The following C9 variants were observed in gnomAD, a reference collection of about 807,000 sequenced individuals.
C9 encodes the protein complement C9, also known as complement component C9.
C9 carries 63 observed loss-of-function variants against 65.4 expected under a neutral mutation model. That is an observed-to-expected ratio of 0.96 (90% CI 0.79 to 1.19). C9 has a LOEUF of 1.19. Among genes scored for constraint, C9 ranks in the 50% most tolerant of loss-of-function variants. The pLI is 0.00. For synonymous variants in C9, 229 were observed against 227.9 expected (o/e 1.00, Z -0.04); for missense variants, 744 against 670.1 (o/e 1.11, Z -1.22).
chr5:39,331,218 T>C (rs928892258), intron 5 of C9, among the ~76,000 whole-genome samples: 1 of 152,160 alleles, frequency 6.6e-6, no homozygotes, highest in African/African-American at 2.4e-5. Flanking sequence ...TAAATCATTT[T>C]CAAGAGGTAG....
At chr5:39,329,971 G>A (rs1435625745) in intron 5 of C9, among the ~76,000 whole-genome samples, 1 of 152,134 alleles carries the variant, frequency 6.6e-6, no homozygotes, top group Non-Finnish European at 1.5e-5. Flanking sequence ...TGAATAAGGG[G>A]ATTATCAGCA....
rs1185839904 is a variant in C9 at position 39,331,815 on chromosome 5, C to T, written c.477-1G>A. 6.2e-7 allele frequency: 1 copy of T among 1,613,060 alleles called. No individual in the cohort carries two copies. The highest frequency in any genetic ancestry group is 1.3e-5 in the African/African-American group (1 of 74,880). On this transcript the variant is annotated splice_acceptor_variant, in intron 4 of 10. Transcript: ENST00000263408. LOFTEE classifies it high-confidence loss of function. ...GGGATCCATCCCTAAAATGTTGATC[C>T]TGAGAATGAACAGAGTAGTATCAGA...
intron 10 of C9, among the ~76,000 whole-genome samples, chr5:39,287,304 G>A (rs550442428): frequency 2.0e-5 from 3 of 151,868 alleles, no homozygotes; most frequent in African/African-American, 7.2e-5. Context: ...TTTTCCTCTA[G>A]GATTTTTATA....
At chr5:39,359,098 GTGTGTA>G (rs1211176121) in intron 1 of C9, among the ~76,000 whole-genome samples, 49 of 96,536 alleles carry the variant, frequency 5.1e-4, no homozygotes, top group African/African-American at 1.4e-3. Flanking sequence ...ATGTGTGTGT[GTGTGTA>G]TATATATATA....
chr5:39,328,171 T>C (rs1024279221), intron 5 of C9, among the ~76,000 whole-genome samples: 1 of 152,132 alleles, frequency 6.6e-6, no homozygotes, highest in Non-Finnish European at 1.5e-5. Flanking sequence ...ACTGAGAGAA[T>C]AGGATGTAAA....
In C9 at chr5:39,288,778, G is replaced by A. The variant is rs1010959571; in HGVS notation, c.1590C>T (p.Cys530=). The A allele has an allele frequency of 1.2e-6, 2 of 1,612,232 alleles. No homozygotes were observed. The highest frequency in any genetic ancestry group is 1.7e-6 in the Non-Finnish European group (2 of 1,178,802). ...ILMDGKCLCA[C]PFKFEGIACE... ...AGGCAATTCCCTCAAATTTGAATGG[G>A]CAGGCACACAAACACTTTCCATCCA... The change falls in exon 10 of 11, where the codon TGC becomes TGT. Residue 530 remains cysteine, a synonymous_variant. Coordinates refer to ENST00000263408, the MANE Select transcript of C9 (RefSeq NM_001737.5).
intron 1 of C9, among the ~76,000 whole-genome samples, chr5:39,362,940 C>T (rs1270141152): frequency 6.6e-6 from 1 of 152,062 alleles, no homozygotes; most frequent in East Asian, 1.9e-4. Flanking sequence ...GAGCTGGGGT[C>T]CAGCTAATGG....
chr5:39,348,781 T>A (rs1240637678), intron 1 of C9, among the ~76,000 whole-genome samples: 1 of 152,132 alleles, frequency 6.6e-6, no homozygotes, highest in Non-Finnish European at 1.5e-5. Context: ...CAAATGTCCA[T>A]CAATGATAGA....
At position 39,306,639 on chromosome 5, in the gene C9, G is replaced by A. The variant is rs984436339; in HGVS notation, c.1394C>T (p.Ala465Val). Residue 465 changes from alanine (A) to valine (V), a missense_variant, in exon 9 of 11, where the codon GCT becomes GTT. Transcript: ENST00000263408. ...TACTTTTTGACTAATGAGAACAGGA[G>A]CATCATTTATGGAAGAGGCCCAGTT... ...FVNWASSIND[A>V]PVLISQKLSP... 10 of 1,613,142 alleles carry A rather than the reference G, an allele frequency of 6.2e-6. No individual in the cohort carries two copies. The highest frequency in any genetic ancestry group is 2.7e-5 in the African/African-American group (2 of 74,872).
rs141738519 is a variant in C9 at position 39,351,721 on chromosome 5, C to T, written c.78-9525G>A. On this transcript the variant is annotated intron_variant, in intron 1 of 10. Coordinates refer to ENST00000263408, the MANE Select transcript of C9 (RefSeq NM_001737.5). The stretch of plus-strand genomic sequence containing the variant: ...TCCTCATCTCCATCTGAGACCATCT[C>T]AGCCTGGATTTCATTGTCCATATCA... Among the ~76,000 whole-genome samples, 272 of 152,278 alleles carry T rather than the reference C, an allele frequency of 1.8e-3. 14 individuals are homozygous for T. The East Asian group carries it at 0.047, about 26-fold the overall frequency.
chr5:39,334,811 G>T (rs957542092), intron 4 of C9, among the ~76,000 whole-genome samples: 1 of 152,206 alleles, frequency 6.6e-6, no homozygotes, highest in Non-Finnish European at 1.5e-5. Flanking sequence ...CCCCATCTGG[G>T]AGGTGTGCCC....
chr5:39,306,062 C>A (rs1579846223), intron 9 of C9, among the ~76,000 whole-genome samples: 1 of 150,070 alleles, frequency 6.7e-6, no homozygotes, highest in East Asian at 2.0e-4. Flanking sequence ...ACTGAGGAGG[C>A]TGAGGCATGA....
In C9 at chr5:39,308,220, C is replaced by A; in HGVS notation, c.1240+10G>T. The A allele has an allele frequency of 6.2e-7, 1 of 1,612,370 alleles. No homozygotes were observed. Among genetic ancestry groups the A allele is most frequent in the South Asian group, 1.1e-5 (1 of 91,054 alleles). On this transcript the variant is annotated intron_variant, in intron 8 of 10. Transcript: ENST00000263408. ...GCTTTATAAAATCTAACAAGTGAGG[C>A]CACACTTACCAGCTCTACCCTCTCC...
At chr5:39,325,239 T>C (rs1287459758) in intron 5 of C9, among the ~76,000 whole-genome samples, 2 of 152,168 alleles carry the variant, frequency 1.3e-5, no homozygotes, top group African/African-American at 4.8e-5. Context: ...CATTGTAACC[T>C]TTTGAGGCAC....
In C9 at chr5:39,288,012, T is replaced by C. The variant is rs145985477; in HGVS notation, c.1645+711A>G. On this transcript the variant is annotated intron_variant, in intron 10 of 10. Transcript: ENST00000263408. ...TTTAATGTAAAATAATGTTTCCTTA[T>C]GATTAACTTAAAAATACAATACAGA... Among the ~76,000 whole-genome samples, 572 of 152,062 alleles carry C rather than the reference T, an allele frequency of 3.8e-3. 5 individuals carry two copies. Among genetic ancestry groups the C allele is most frequent in the African/African-American group, 0.01 (424 of 41,536 alleles).
chr5:39,328,242 C>T (rs983725979), intron 5 of C9, among the ~76,000 whole-genome samples: 8 of 152,176 alleles, frequency 5.3e-5, no homozygotes, highest in African/African-American at 1.9e-4. Flanking sequence ...TGTGAAAGCT[C>T]CTGCCTATGA....
intron 5 of C9, among the ~76,000 whole-genome samples, chr5:39,323,738 CTT>C (rs1246495403): frequency 6.6e-6 from 1 of 151,884 alleles, no homozygotes; most frequent in East Asian, 1.9e-4. Flanking sequence ...AAAACTGAAA[CTT>C]TTTATCAGAC....
intron 10 of C9, 83 bp downstream of exon 10, chr5:39,288,640 T>A (rs139892306): frequency 3.9e-6 from 3 of 766,476 alleles, no homozygotes; most frequent in Admixed American, 3.7e-5. Flanking sequence ...TTAGTACAAA[T>A]TAATTCAAGA....
intron 1 of C9, among the ~76,000 whole-genome samples, chr5:39,349,151 C>T (rs927596722): frequency 2.0e-5 from 3 of 151,392 alleles, no homozygotes; most frequent in African/African-American, 7.3e-5. Flanking sequence ...TGCACATATG[C>T]CCTAGAACTT....
Sources: gnomAD v4.1 joint callset for allele counts (sites outside exome capture counted in the v4.1 genomes callset) on GRCh38, gnomAD v4.1.1 for gene constraint, MANE v1.5 for transcripts, NCBI Gene and HGNC (gene_info 2026-07-23, HGNC 2026-07-21) for gene names.